The following ADK variants were observed in gnomAD, a reference collection of about 807,000 sequenced individuals.
ADK encodes N6,N6-dimethyladenosine kinase.
ADK carries 24 observed loss-of-function variants against 44.7 expected under a neutral mutation model. The observed-to-expected ratio is 0.54, with a 90% CI of 0.39 to 0.76. ADK has a LOEUF of 0.76. Among genes scored for constraint, ADK ranks in the 30% least tolerant of loss-of-function variants. The pLI, the probability that ADK is intolerant of heterozygous loss-of-function variation, is 0.00. For synonymous variants in ADK, 128 were observed against 142.6 expected (o/e 0.90, Z 0.73); for missense variants, 321 against 425.1 (o/e 0.76, Z 2.15).
chr10:74,234,099 C>G (rs1009632754), intron 3 of ADK, among the ~76,000 whole-genome samples: 15 of 152,112 alleles, frequency 9.9e-5, no homozygotes, highest in African/African-American at 3.4e-4. Flanking sequence ...AAGAGTTATG[C>G]CAACACTATT....
intron 3 of ADK, among the ~76,000 whole-genome samples, chr10:74,255,980 T>C (rs1376163330): frequency 2.6e-5 from 4 of 152,164 alleles, no homozygotes; most frequent in East Asian, 1.9e-4. Context: ...ACAGTCACAG[T>C]GCAGATCTGG....
chr10:74,317,307 C>T lies in ADK; in HGVS notation c.273+2562C>T, dbSNP rs114106948. On this transcript the variant is annotated intron_variant, in intron 4 of 10. Coordinates refer to ENST00000539909, the MANE Select transcript of ADK (RefSeq NM_006721.4). ...AATATCCTGCACAGCATGTATATAA[C>T]ACTGCTAAAAAGGGGTATAACTTGC... Among the ~76,000 whole-genome samples, 269 of 152,228 alleles carry T rather than the reference C, an allele frequency of 1.8e-3. 1 individual carries two copies. Among genetic ancestry groups the T allele is most frequent in the African/African-American group, 5.5e-3 (228 of 41,538 alleles).
At chr10:74,195,713 T>C (rs1266125003) in intron 1 of ADK, among the ~76,000 whole-genome samples, 147 of 143,944 alleles carry the variant, frequency 1.0e-3, no homozygotes, top group Middle Eastern at 3.5e-3. Flanking sequence ...CTTTCTTTTT[T>C]TTTTTTTTTT....
intron 9 of ADK, among the ~76,000 whole-genome samples, chr10:74,629,895 ATGT>A (rs1158574958): frequency 6.6e-6 from 1 of 152,188 alleles, no homozygotes; most frequent in Non-Finnish European, 1.5e-5. Context: ...AGTGGGATAA[ATGT>A]TGGTGTACAG....
At chr10:74,660,372 T>C (rs1384680819) in intron 9 of ADK, among the ~76,000 whole-genome samples, 1 of 152,120 alleles carries the variant, frequency 6.6e-6, no homozygotes, top group African/African-American at 2.4e-5. Context: ...GCTGAAACAA[T>C]CTGCCCATCT....
At chr10:74,298,801 A>G (rs1031479321) in intron 3 of ADK, among the ~76,000 whole-genome samples, 6 of 152,116 alleles carry the variant, frequency 3.9e-5, no homozygotes, top group Admixed American at 1.3e-4. Context: ...GACATTAGCC[A>G]GGCATGGTGG....
intron 10 of ADK, among the ~76,000 whole-genome samples, chr10:74,679,499 A>G (rs1409112213): frequency 6.6e-6 from 1 of 152,038 alleles, no homozygotes; most frequent in Non-Finnish European, 1.5e-5. Flanking sequence ...GCAAGTTTCA[A>G]TGTTCTGTGA....
chr10:74,539,714 T>C (rs1453972271), intron 7 of ADK, among the ~76,000 whole-genome samples: 2 of 152,152 alleles, frequency 1.3e-5, no homozygotes, highest in Non-Finnish European at 1.5e-5. Context: ...AACAAAAACT[T>C]ATGGTGCTTT....
chr10:74,183,467 C>T (rs1049138663), intron 1 of ADK, among the ~76,000 whole-genome samples: 1 of 151,742 alleles, frequency 6.6e-6, no homozygotes, highest in Non-Finnish European at 1.5e-5. Context: ...CCAGCTACTT[C>T]AGAAGCTGAG....
At chr10:74,467,535 C>T (rs569848668) in intron 6 of ADK, among the ~76,000 whole-genome samples, 1 of 152,144 alleles carries the variant, frequency 6.6e-6, no homozygotes, top group Admixed American at 6.5e-5. Context: ...TTAATACATT[C>T]ATTTCTGCAT....
At chr10:74,387,585 C>A (rs1244788361) in intron 4 of ADK, among the ~76,000 whole-genome samples, 1 of 152,164 alleles carries the variant, frequency 6.6e-6, no homozygotes, top group East Asian at 1.9e-4. Context: ...CATACCCATC[C>A]TTCAAAGACC....
chr10:74,552,028 T>TTAC (rs1589240828), intron 7 of ADK, among the ~76,000 whole-genome samples: 1 of 142,654 alleles, frequency 7.0e-6, no homozygotes, highest in East Asian at 2.1e-4. Context: ...ATTATTATTA[T>TTAC]TTTTTATTGT....
intron 7 of ADK, among the ~76,000 whole-genome samples, chr10:74,541,855 G>A (rs1043887353): frequency 2.2e-5 from 3 of 133,358 alleles, no homozygotes; most frequent in African/African-American, 2.9e-5. Flanking sequence ...TTTTTCATGC[G>A]TTATACTAAG....
chr10:74,393,098 C>T (rs1029786650), intron 4 of ADK, among the ~76,000 whole-genome samples: 4 of 152,090 alleles, frequency 2.6e-5, no homozygotes, highest in Non-Finnish European at 1.5e-5. Context: ...TACTATGTCT[C>T]ATTCTTACAG....
chr10:74,542,783 A>G, intron 7 of ADK, among the ~76,000 whole-genome samples: 1 of 152,184 alleles, frequency 6.6e-6, no homozygotes, highest in Non-Finnish European at 1.5e-5. Flanking sequence ...AGCACACTAT[A>G]GATAGATCCT....
Position 74,293,420 on chromosome 10 carries a change from G to A in ADK, c.195-21247G>A, listed in dbSNP as rs747782938. ...TAGGGTATCTATTAACATAATTTACGATGCTTCTCAGAGGGTTTCTGTTGT... is the reference window on the plus strand; with the variant it reads ...TAGGGTATCTATTAACATAATTTACAATGCTTCTCAGAGGGTTTCTGTTGT... On this transcript the variant is annotated intron_variant, in intron 3 of 10. Coordinates refer to ENST00000539909, the MANE Select transcript of ADK (RefSeq NM_006721.4). Among the ~76,000 whole-genome samples, 28 of 152,044 alleles carry A rather than the reference G, an allele frequency of 1.8e-4. 1 individual carries two copies. Among genetic ancestry groups the A allele is most frequent in the Non-Finnish European group, 4.0e-4 (27 of 68,010 alleles).
At chr10:74,588,088 G>A (rs1281283195) in intron 7 of ADK, among the ~76,000 whole-genome samples, 1 of 151,952 alleles carries the variant, frequency 6.6e-6, no homozygotes, top group African/African-American at 2.4e-5. Flanking sequence ...AGGAGACATT[G>A]GACCCCTACA....
chr10:74,534,676 G>A (rs746342101), intron 7 of ADK, among the ~76,000 whole-genome samples: 5 of 152,150 alleles, frequency 3.3e-5, no homozygotes, highest in Non-Finnish European at 5.9e-5. Flanking sequence ...ATTTTTGTTA[G>A]GTAATGTTGG....
intron 9 of ADK, among the ~76,000 whole-genome samples, chr10:74,667,497 A>G (rs1367815004): frequency 1.3e-5 from 2 of 151,716 alleles, no homozygotes; most frequent in Non-Finnish European, 2.9e-5. Flanking sequence ...GCATTTATGT[A>G]GAATTTTCAG....
Sources: gnomAD v4.1 joint callset for allele counts (sites outside exome capture counted in the v4.1 genomes callset) on GRCh38, gnomAD v4.1.1 for gene constraint, MANE v1.5 for transcripts, NCBI Gene and HGNC (gene_info 2026-07-23, HGNC 2026-07-21) for gene names.